APPL2: variants seen among roughly 807,000 people sequenced by gnomAD.
APPL2 encodes adaptor protein, phosphotyrosine interacting with PH domain and leucine zipper 2.
APPL2 carries 84 observed loss-of-function variants against 92.7 expected under a neutral mutation model. That is an observed-to-expected ratio of 0.91 (90% CI 0.76 to 1.09). The LOEUF (loss-of-function observed/expected upper bound fraction) is 1.09. Among genes scored for constraint, APPL2 ranks in the 50% least tolerant of loss-of-function variants. The pLI is 0.00. For missense variants in APPL2, 736 were observed against 824.5 expected (o/e 0.89, Z 1.31); for synonymous variants, 291 against 291.0 (o/e 1.00, Z 0.00).
In APPL2 at chr12:105,195,359, C is replaced by T; in HGVS notation, c.1153-10G>A. 1 of 1,614,128 alleles carries T rather than the reference C, an allele frequency of 6.2e-7. No individual in the cohort carries two copies. Among genetic ancestry groups the T allele is most frequent in the South Asian group, 1.1e-5 (1 of 91,082 alleles). On this transcript the variant is annotated splice_polypyrimidine_tract_variant and intron_variant, in intron 13 of 20. Transcript: ENST00000258530. ...ACTTGATCGCGACTGCCTAAAAATCCACAGGAAGACACACTCAGTCCCAGG... is the reference window on the plus strand; with the variant it reads ...ACTTGATCGCGACTGCCTAAAAATCTACAGGAAGACACACTCAGTCCCAGG...
chr12:105,199,533 T>C lies in APPL2; in HGVS notation c.705-2A>G, dbSNP rs1453866317. The C allele has an allele frequency of 2.3e-5, 37 of 1,613,204 alleles. No homozygotes were observed. The highest frequency in any genetic ancestry group is 3.0e-5 in the Non-Finnish European group (35 of 1,179,740). ...TCGGCTTCCAGTTCTACCTGAATGC[T>C]TAAGACAGAAGGTGTTGGGTCAGTT... On this transcript the variant is annotated splice_acceptor_variant, in intron 9 of 20. Transcript: ENST00000258530. LOFTEE classifies it high-confidence loss of function.
chr12:105,180,217 A>G (rs901759241), intron 17 of APPL2, among the ~76,000 whole-genome samples: 1 of 152,138 alleles, frequency 6.6e-6, no homozygotes, highest in African/African-American at 2.4e-5. Context: ...TCCCAACATC[A>G]TTTATTAAAT....
chr12:105,176,367 A>G (rs1039555136), intron 19 of APPL2: 69 of 537,364 alleles, frequency 1.3e-4, no homozygotes, highest in Non-Finnish European at 2.1e-4. Context: ...TCTCTCTTAA[A>G]TGTATTTAGC....
At chr12:105,177,394 A>G (rs1051279189) in intron 17 of APPL2, 132 bp from the exon 18 acceptor site, 6 of 934,676 alleles carry the variant, frequency 6.4e-6, no homozygotes, top group Non-Finnish European at 1.0e-5. Context: ...GTGAGGCGAG[A>G]TAGCTGTGTG....
chr12:105,177,105 G>T, intron 18 of APPL2, 89 bp from the exon 19 acceptor site: 1 of 1,602,080 alleles, frequency 6.2e-7, no homozygotes, highest in East Asian at 2.2e-5. Context: ...ATGAGAAAAA[G>T]TATCCTATTA....
At chr12:105,219,074 A>T (rs1306586623) in intron 2 of APPL2, among the ~76,000 whole-genome samples, 1 of 152,234 alleles carries the variant, frequency 6.6e-6, no homozygotes, top group Non-Finnish European at 1.5e-5. Context: ...ACTGGGTCTG[A>T]CATGGCACAG....
At chr12:105,195,101 C>T (rs1163939578) in intron 14 of APPL2, among the ~76,000 whole-genome samples, 160 bp downstream of exon 14, 1 of 152,166 alleles carries the variant, frequency 6.6e-6, no homozygotes, top group Non-Finnish European at 1.5e-5. Flanking sequence ...GTGGTGTGAA[C>T]ACAGGCAGGT....
At chr12:105,178,386 G>C (rs1402310519) in intron 17 of APPL2, among the ~76,000 whole-genome samples, 1 of 152,104 alleles carries the variant, frequency 6.6e-6, no homozygotes, top group Non-Finnish European at 1.5e-5. Flanking sequence ...GCTTCCTAGG[G>C]CTGGGTGGGT....
intron 20 of APPL2, among the ~76,000 whole-genome samples, chr12:105,175,243 A>G (rs1218362341): frequency 3.3e-5 from 5 of 152,176 alleles, no homozygotes; most frequent in Non-Finnish European, 7.4e-5. Flanking sequence ...CAAAAACATA[A>G]AGACCCTTTA....
At chr12:105,181,804 G>A (rs182719572) in intron 17 of APPL2, among the ~76,000 whole-genome samples, 1 of 152,256 alleles carries the variant, frequency 6.6e-6, no homozygotes, top group African/African-American at 2.4e-5. Context: ...GATCAGTGGT[G>A]ATAATCCCCT....
At chr12:105,235,403 G>A (rs1891169988) in intron 1 of APPL2, 1 of 152,146 alleles carries the variant, frequency 6.6e-6, no homozygotes, top group African/African-American at 2.4e-5. Flanking sequence ...GCCAAAAGGA[G>A]GCCTGGTACC....
chr12:105,201,735 T>C (rs1888223337), intron 9 of APPL2, among the ~76,000 whole-genome samples: 1 of 152,042 alleles, frequency 6.6e-6, no homozygotes, highest in South Asian at 2.1e-4. Context: ...CACACACATA[T>C]ATATAAAATT....
intron 1 of APPL2, among the ~76,000 whole-genome samples, chr12:105,231,931 G>A (rs1406375329): frequency 2.6e-5 from 4 of 152,166 alleles, no homozygotes; most frequent in South Asian, 2.1e-4. Flanking sequence ...GATATTCTGA[G>A]ACATAAAGAA....
chr12:105,204,790 T>G (rs1178924823), intron 8 of APPL2, among the ~76,000 whole-genome samples: 2 of 152,130 alleles, frequency 1.3e-5, no homozygotes, highest in Non-Finnish European at 2.9e-5. Flanking sequence ...GTAATCTCCT[T>G]AGGGCAGGGG....
At chr12:105,217,890 AC>A in intron 2 of APPL2, among the ~76,000 whole-genome samples, 165 bp from the exon 3 acceptor site, 1 of 152,270 alleles carries the variant, frequency 6.6e-6, no homozygotes, top group Non-Finnish European at 1.5e-5. Flanking sequence ...ATCACTTGAG[AC>A]CAGGAGTTTG....
intron 20 of APPL2, among the ~76,000 whole-genome samples, chr12:105,174,756 G>A (rs960692308): frequency 1.3e-5 from 2 of 151,738 alleles, no homozygotes; most frequent in East Asian, 1.9e-4. Flanking sequence ...CTTTTCTCAC[G>A]TTTAATCTAT....
At chr12:105,198,050 G>A (rs1887821914) in intron 10 of APPL2, 97 bp from the exon 11 acceptor site, 1 of 1,214,592 alleles carries the variant, frequency 8.2e-7, no homozygotes, top group African/African-American at 1.5e-5. Flanking sequence ...TGGCATTTTA[G>A]AAATAATGTG....
At chr12:105,220,322 CTGCTT>C (rs1890007026) in intron 2 of APPL2, among the ~76,000 whole-genome samples, 2 of 152,234 alleles carry the variant, frequency 1.3e-5, no homozygotes, top group African/African-American at 4.8e-5. Context: ...CTATTCAACT[CTGCTT>C]TGTAGCACAA....
intron 8 of APPL2, 30 bp from the exon 9 acceptor site, chr12:105,203,815 A>G (rs777133874): frequency 1.9e-6 from 3 of 1,585,474 alleles, no homozygotes; most frequent in African/African-American, 2.7e-5. Flanking sequence ...TATTCTGAAA[A>G]TCATCCAGGG....
Sources: allele counts gnomAD v4.1 joint callset (sites outside exome capture counted in the v4.1 genomes callset), GRCh38; gene constraint gnomAD v4.1.1; transcripts MANE v1.5; gene names NCBI Gene and HGNC (gene_info 2026-07-23, HGNC 2026-07-21).